C4orf36: variants seen among roughly 807,000 people sequenced by gnomAD.
C4orf36 encodes chromosome 4 open reading frame 36.
A neutral mutation model predicts 12.2 loss-of-function variants in C4orf36; 11 were observed. That is an observed-to-expected ratio of 0.90 (90% CI 0.57 to 1.49). The LOEUF is 1.49. Ranked by LOEUF, C4orf36 falls within the 40% of genes most tolerant of loss-of-function variation. The pLI, the probability that C4orf36 is intolerant of heterozygous loss-of-function variation, is 0.00. For missense variants in C4orf36, 137 were observed against 133.9 expected, an observed-to-expected ratio of 1.02 and a Z score of -0.11; for synonymous variants, 54 against 51.3, an observed-to-expected ratio of 1.05 and a Z score of -0.22.
chr4:86,907,074 A>T, the C4orf36 span, among the ~76,000 whole-genome samples: 11 of 152,170 alleles, frequency 7.2e-5, no homozygotes, highest in South Asian at 2.1e-4. Flanking sequence ...ATAAAAATTT[A>T]AAAAAAGAAT....
chr4:86,910,398 C>G, the C4orf36 span, among the ~76,000 whole-genome samples: 2 of 151,894 alleles, frequency 1.3e-5, no homozygotes, highest in Non-Finnish European at 2.9e-5. Context: ...GGCAACAGCG[C>G]AAGACTCTGT....
the C4orf36 span, among the ~76,000 whole-genome samples, chr4:86,930,193 T>G: frequency 6.6e-6 from 1 of 152,250 alleles, no homozygotes; most frequent in Non-Finnish European, 1.5e-5. Flanking sequence ...ACTATTTGAC[T>G]TTCCCATAAT....
At chr4:86,880,238 C>CG (rs1320384280) in intron 4 of C4orf36, among the ~76,000 whole-genome samples, 1 of 152,110 alleles carries the variant, frequency 6.6e-6, no homozygotes, top group Non-Finnish European at 1.5e-5. Context: ...CTTGGGAGGC[C>CG]AAGGTGAACA....
upstream of C4orf36, among the ~76,000 whole-genome samples, chr4:86,894,319 AT>A (rs1747544784): frequency 6.6e-6 from 1 of 152,214 alleles, no homozygotes; most frequent in South Asian, 2.1e-4. Flanking sequence ...ATACATATAT[AT>A]ATACACATAT....
the C4orf36 span, chr4:86,924,664 A>T: frequency 3.0e-4 from 46 of 152,336 alleles, no homozygotes; most frequent in African/African-American, 1.1e-3. Flanking sequence ...TTAAAGCAGT[A>T]TGAATTTCTG....
At chr4:86,904,516 A>G in the C4orf36 span, among the ~76,000 whole-genome samples, 2 of 129,904 alleles carry the variant, frequency 1.5e-5, no homozygotes, top group Admixed American at 1.9e-4. Context: ...TCGGAGGGGG[A>G]GGTTGCAGTG....
At chr4:86,891,688 A>G in intron 1 of C4orf36, 95 bp from the exon 2 acceptor site, 1 of 1,159,194 alleles carries the variant, frequency 8.6e-7, no homozygotes, top group Non-Finnish European at 1.2e-6. Flanking sequence ...AAAGTCCTTA[A>G]TAAGTGTTCA....
chr4:86,892,287 C>G lies in C4orf36; in HGVS notation c.-178G>C, dbSNP rs567288279. On this transcript the variant is annotated 5_prime_UTR_variant, in exon 1 of 5. Coordinates refer to ENST00000295898, the MANE Select transcript of C4orf36 (RefSeq NM_144645.4). ...GGCGCCGGCGGCCTGGTTACCCGGGCTCCAGGGGCTCGGAGGGTCGCGGCC... is the reference window on the plus strand; with the variant it reads ...GGCGCCGGCGGCCTGGTTACCCGGGGTCCAGGGGCTCGGAGGGTCGCGGCC... The G allele has an allele frequency of 2.0e-6, 2 of 985,654 alleles. No individual in the cohort carries two copies. The allele number at this position is 985,654 out of a possible 1,614,324, so 61.1% of individuals were successfully genotyped here.
chr4:86,879,340 C>T (rs1951079702), intron 4 of C4orf36, among the ~76,000 whole-genome samples: 1 of 152,020 alleles, frequency 6.6e-6, no homozygotes, highest in Admixed American at 6.6e-5. Flanking sequence ...ATGAGAATAT[C>T]AACAAAGTCA....
intron 2 of C4orf36, among the ~76,000 whole-genome samples, chr4:86,890,852 C>A (rs1393628360): frequency 6.6e-6 from 1 of 152,150 alleles, no homozygotes; most frequent in African/African-American, 2.4e-5. Flanking sequence ...TAATCCACAC[C>A]GCATAGCCAA....
At chr4:86,884,460 A>G (rs1747123955) in intron 4 of C4orf36, among the ~76,000 whole-genome samples, 1 of 151,962 alleles carries the variant, frequency 6.6e-6, no homozygotes, top group African/African-American at 2.4e-5. Context: ...ACACAGCACC[A>G]TGTTCAGCTA....
At chr4:86,929,954 T>G in the C4orf36 span, among the ~76,000 whole-genome samples, 36 of 152,346 alleles carry the variant, frequency 2.4e-4, 1 homozygote, top group East Asian at 6.9e-3. Flanking sequence ...GAATTTATTT[T>G]GCCTGTGGGA....
chr4:86,928,788 T>C, the C4orf36 span, among the ~76,000 whole-genome samples: 1 of 152,256 alleles, frequency 6.6e-6, no homozygotes, highest in African/African-American at 2.4e-5. Flanking sequence ...TCTATGACTT[T>C]GGGACCTGTG....
chr4:86,881,978 C>T (rs1747063737), intron 4 of C4orf36, among the ~76,000 whole-genome samples: 1 of 152,184 alleles, frequency 6.6e-6, no homozygotes, highest in Non-Finnish European at 1.5e-5. Flanking sequence ...ATGCCCGGCC[C>T]TGAAAATTTT....
At chr4:86,909,657 A>C in the C4orf36 span, among the ~76,000 whole-genome samples, 1,319 of 152,230 alleles carry the variant, frequency 8.7e-3, 26 homozygotes, top group African/African-American at 0.031. Context: ...TGAAAGTGAA[A>C]CATCCTACTA....
chr4:86,882,037 AC>A (rs1306386291), intron 4 of C4orf36, among the ~76,000 whole-genome samples: 2 of 152,224 alleles, frequency 1.3e-5, no homozygotes, highest in African/African-American at 4.8e-5. Flanking sequence ...GCATTGGAGC[AC>A]TAACATAAGA....
At chr4:86,886,399 G>T (rs919381593) in intron 4 of C4orf36, 4 of 152,038 alleles carry the variant, frequency 2.6e-5, no homozygotes, top group Admixed American at 2.0e-4. Flanking sequence ...GAATCTACAA[G>T]GAACTCAAAC....
At chr4:86,888,825 C>T (rs1747281401) in intron 2 of C4orf36, among the ~76,000 whole-genome samples, 1 of 152,144 alleles carries the variant, frequency 6.6e-6, no homozygotes, top group Admixed American at 6.5e-5. Flanking sequence ...TGAGTTCAGC[C>T]TCATATGCAT....
At chr4:86,911,153 C>T in the C4orf36 span, among the ~76,000 whole-genome samples, 1 of 152,088 alleles carries the variant, frequency 6.6e-6, no homozygotes, top group African/African-American at 2.4e-5. Flanking sequence ...CAAGGTATGT[C>T]CTTTGAAATG....
Sources: gnomAD v4.1 joint callset for allele counts (sites outside exome capture counted in the v4.1 genomes callset) on GRCh38, gnomAD v4.1.1 for gene constraint, MANE v1.5 for transcripts, NCBI Gene and HGNC (gene_info 2026-07-23, HGNC 2026-07-21) for gene names.